Variants in HMGXB3 observed in about 807,000 individuals in gnomAD.
HMGXB3 encodes HMG-box containing 3.
In HMGXB3, 45 loss-of-function variants were observed where a neutral mutation model predicts 121.5. That is an observed-to-expected ratio of 0.37 (90% CI 0.29 to 0.47). The LOEUF is 0.47. Ranked by LOEUF, HMGXB3 falls within the 20% of genes least tolerant of loss-of-function variation. The pLI is 0.99. For missense variants in HMGXB3, 1,376 were observed against 1,602.2 expected (o/e 0.86, Z 2.41); for synonymous variants, 590 against 624.1 (o/e 0.95, Z 0.81).
chr5:150,022,986 ATTTTTTTTTTTTTT>A (rs56092645), intron 6 of HMGXB3, among the ~76,000 whole-genome samples: 1 of 100,868 alleles, frequency 9.9e-6, no homozygotes, highest in Non-Finnish European at 1.9e-5. Context: ...TGCCTGGCTA[ATTTTTTTTTTTTTT>A]TTTTTTTTTG....
chr5:150,044,434 C>CA (rs780221219), intron 15 of HMGXB3, among the ~76,000 whole-genome samples: 2 of 152,150 alleles, frequency 1.3e-5, no homozygotes, highest in East Asian at 3.9e-4. Flanking sequence ...AGGTGGCAAA[C>CA]AAAGAGGAAT....
chr5:150,010,573 G>A lies in HMGXB3; in HGVS notation c.775G>A (p.Val259Ile). Residue 259 changes from valine to isoleucine, a missense_variant, in exon 4 of 20, where the codon GTT becomes ATT. This residue lies in a region of HMGXB3 where 1,116 missense variants were observed against 1,369.0 expected (regional missense o/e 0.82). Transcript: ENST00000502717. ...AAGCCTGGCTGTGCCCCACCCCCAG[G>A]TTGGGGAGAGTGTATCAGTGGTAAC... ...TGSLAVPHPQ[V>I]GESVSVVTVM... 2.6e-6 allele frequency: 4 copies of A among 1,551,330 alleles called. No individual in the cohort carries two copies. Among genetic ancestry groups the A allele is most frequent in the Non-Finnish European group, 3.5e-6 (4 of 1,146,980 alleles).
At chr5:150,021,496 A>G in intron 6 of HMGXB3, 1 of 288,306 alleles carries the variant, frequency 3.5e-6, no homozygotes, top group Non-Finnish European at 6.9e-6. Flanking sequence ...ACACAAATTC[A>G]TAAACTATCT....
intron 9 of HMGXB3, 86 bp downstream of exon 9, chr5:150,027,203 C>T: frequency 1.0e-6 from 1 of 980,296 alleles, no homozygotes; most frequent in Non-Finnish European, 1.5e-6. Flanking sequence ...AAGGCACATC[C>T]CATTTCTTAC....
chr5:150,034,202 G>A (rs541951860), intron 11 of HMGXB3, among the ~76,000 whole-genome samples: 2 of 152,268 alleles, frequency 1.3e-5, no homozygotes, highest in South Asian at 2.1e-4. Flanking sequence ...CTTTCTTCCC[G>A]GATTTTCAGT....
At chr5:150,021,684 A>G (rs1001415051) in intron 6 of HMGXB3, 1 of 518,100 alleles carries the variant, frequency 1.9e-6, no homozygotes, top group Admixed American at 2.0e-5. Flanking sequence ...GGATTCTCCT[A>G]TGGAAACATT....
chr5:150,048,471 CTT>C (rs770820174), intron 17 of HMGXB3, 96 bp from the exon 18 acceptor site: 295 of 847,876 alleles, frequency 3.5e-4, no homozygotes, highest in South Asian at 2.3e-3. Flanking sequence ...GCAGTTTATT[CTT>C]TTGCTTTGGG....
rs192275924 is a variant in HMGXB3, at chr5:150,051,829, C to A, written c.3516C>A (p.Ile1172=). 1.3e-6 allele frequency: 2 copies of A among 1,549,952 alleles called. No individual in the cohort carries two copies. The highest frequency in any genetic ancestry group is 8.7e-7 in the Non-Finnish European group (1 of 1,147,090). ...TCACCAAGACTGCCACGCGGCGCAT[C>A]GTCCATGCAGGCCTACAGCCCAATC... The part of the protein sequence containing the change: ...HPVTKTATRR[I]VHAGLQPNPG... Residue 1172 remains isoleucine (I), a synonymous_variant, in exon 20 of 20, where the codon ATC becomes ATA. Coordinates refer to ENST00000502717, the MANE Select transcript of HMGXB3 (RefSeq NM_014983.3).
intron 6 of HMGXB3, among the ~76,000 whole-genome samples, chr5:150,023,460 A>G (rs1756149712): frequency 6.6e-6 from 1 of 152,214 alleles, no homozygotes; most frequent in Non-Finnish European, 1.5e-5. Flanking sequence ...TTCCTAGTTT[A>G]CAGTGCCCTT....
intron 6 of HMGXB3, among the ~76,000 whole-genome samples, chr5:150,019,266 TC>T (rs377071285): frequency 2.0e-5 from 3 of 152,310 alleles, no homozygotes; most frequent in Admixed American, 6.5e-5. Flanking sequence ...GTTTCTGTCA[TC>T]CCCCCGTCTG....
intron 19 of HMGXB3, 92 bp from the exon 20 acceptor site, chr5:150,051,633 A>G: frequency 9.8e-7 from 1 of 1,018,936 alleles, no homozygotes; most frequent in Non-Finnish European, 1.4e-6. Context: ...GGATTCAAAG[A>G]GGGCTGGCTG....
intron 3 of HMGXB3, 44 bp downstream of exon 3, chr5:150,006,691 G>A: frequency 4.0e-6 from 6 of 1,505,664 alleles, no homozygotes; most frequent in Non-Finnish European, 5.4e-6. Context: ...CTGGTTCAGT[G>A]ATGAAGGCCT....
intron 4 of HMGXB3, among the ~76,000 whole-genome samples, chr5:150,011,608 T>TG (rs1331791966): frequency 6.7e-6 from 1 of 149,292 alleles, no homozygotes; most frequent in African/African-American, 2.5e-5. Flanking sequence ...TTTTTGGTTT[T>TG]TTTTTTTTTT....
At chr5:150,031,817 A>G (rs1396417678) in intron 10 of HMGXB3, among the ~76,000 whole-genome samples, 2 of 152,130 alleles carry the variant, frequency 1.3e-5, no homozygotes, top group African/African-American at 4.8e-5. Context: ...GCACAATGTG[A>G]TGGGTTAATG....
intron 1 of HMGXB3, among the ~76,000 whole-genome samples, chr5:150,001,600 C>T (rs555147442): frequency 3.3e-5 from 5 of 152,278 alleles, no homozygotes; most frequent in South Asian, 2.1e-4. Flanking sequence ...CGTGCTGGTG[C>T]GACTGGTGTA....
rs557856921 is a variant in HMGXB3 at position 150,028,584 on chromosome 5, A to G, written c.1734+1467A>G. On this transcript the variant is annotated intron_variant, in intron 9 of 19. Coordinates refer to ENST00000502717, the MANE Select transcript of HMGXB3 (RefSeq NM_014983.3). ...ATTTTTTTTTTTTTTTTTTTCCTCC[A>G]GAAACAAGGTCTTGCTTTGTTGCCC... Among the ~76,000 whole-genome samples, 100 of 122,758 alleles carry G rather than the reference A, an allele frequency of 8.1e-4. 1 individual carries two copies. In the South Asian group the frequency reaches 0.018, roughly 22 times the overall value. 80.5% of individuals were successfully genotyped at this position (122,758 alleles called of 152,430 possible).
intron 1 of HMGXB3, among the ~76,000 whole-genome samples, chr5:150,003,094 G>T (rs769007405): frequency 6.6e-6 from 1 of 152,140 alleles, no homozygotes; most frequent in Non-Finnish European, 1.5e-5. Context: ...AGTGAGACAG[G>T]ATCTCATCAC....
At chr5:150,013,823 A>G (rs1755898076) in intron 5 of HMGXB3, among the ~76,000 whole-genome samples, 1 of 152,260 alleles carries the variant, frequency 6.6e-6, no homozygotes, top group Non-Finnish European at 1.5e-5. Context: ...TTACCCTGTA[A>G]TAAACAATGT....
intron 5 of HMGXB3, 84 bp from the exon 6 acceptor site, chr5:150,018,482 G>A (rs765099366): frequency 5.1e-4 from 584 of 1,152,480 alleles, no homozygotes; most frequent in Non-Finnish European, 6.3e-4. Context: ...ACAAGCTTGT[G>A]ACCTCCTGGT....
Sources: allele counts gnomAD v4.1 joint callset (sites outside exome capture counted in the v4.1 genomes callset), GRCh38; gene constraint gnomAD v4.1.1; regional missense constraint gnomAD v4.1.1; transcripts MANE v1.5; gene names NCBI Gene and HGNC (gene_info 2026-07-23, HGNC 2026-07-21).